Variants in ZC3H6 observed in about 807,000 individuals in gnomAD.
ZC3H6 encodes zinc finger CCCH domain-containing protein 6.
In ZC3H6, 40 loss-of-function variants were observed where a neutral mutation model predicts 107.7. That is an observed-to-expected ratio of 0.37 (90% CI 0.29 to 0.48). ZC3H6 has a LOEUF of 0.48. Ranked by LOEUF, ZC3H6 falls within the 20% of genes least tolerant of loss-of-function variation. The pLI is 0.98. For synonymous variants in ZC3H6, 493 were observed against 487.9 expected, an observed-to-expected ratio of 1.01 and a Z score of -0.14; for missense variants, 1,267 against 1,410.4, an observed-to-expected ratio of 0.90 and a Z score of 1.63.
intron 1 of ZC3H6, among the ~76,000 whole-genome samples, chr2:112,299,108 T>C (rs1676306178): frequency 6.6e-6 from 1 of 151,974 alleles, no homozygotes; most frequent in African/African-American, 2.4e-5. Flanking sequence ...AAACCCCGTC[T>C]CTACTAAAAA....
intron 1 of ZC3H6, among the ~76,000 whole-genome samples, chr2:112,288,484 G>T (rs1464637416): frequency 2.0e-5 from 3 of 152,218 alleles, no homozygotes; most frequent in African/African-American, 7.2e-5. Context: ...CTCTGCAGTG[G>T]TAAGGGTGAT....
At position 112,335,238 on chromosome 2, in the gene ZC3H6, A is replaced by G. The variant is rs1458407234; in HGVS notation, c.*2750A>G. The G allele has an allele frequency of 6.6e-6, 1 of 152,218 alleles. No individual in the cohort carries two copies. Among genetic ancestry groups the G allele is most frequent in the Non-Finnish European group, 1.5e-5 (1 of 68,040 alleles). 9.4% of individuals were successfully genotyped at this position (152,218 alleles called of 1,614,324 possible). A position where few individuals can be genotyped will look rare whatever the true frequency, so the allele number is the denominator to read the frequency against. ...TATGGACCCTCTATTTCCCAGCTGAATGTTTCAAACCCCCAAATTAGGCTG... is the reference window on the plus strand; with the variant it reads ...TATGGACCCTCTATTTCCCAGCTGAGTGTTTCAAACCCCCAAATTAGGCTG... On this transcript the variant is annotated 3_prime_UTR_variant, in exon 12 of 12. Coordinates refer to ENST00000409871, the MANE Select transcript of ZC3H6 (RefSeq NM_198581.3).
In ZC3H6 at chr2:112,309,914, A is replaced by G. The variant is rs1249255553; in HGVS notation, c.366A>G (p.Thr122=). The change falls in exon 4 of 12, where the codon ACA becomes ACG. Residue 122 remains threonine, a synonymous_variant. Transcript: ENST00000409871. ...QRGHISGSYI[T]SKKGQHNKKF... ...GACATATATCAGGAAGCTACATAAC[A>G]TCAAAGAAGGGTCAACATAACAAAA... The G allele has an allele frequency of 3.1e-6, 5 of 1,589,626 alleles. No homozygotes were observed. Among genetic ancestry groups the G allele is most frequent in the Non-Finnish European group, 3.4e-6 (4 of 1,167,116 alleles).
chr2:112,293,472 A>G (rs1373757337), intron 1 of ZC3H6, among the ~76,000 whole-genome samples: 1 of 152,260 alleles, frequency 6.6e-6, no homozygotes, highest in African/African-American at 2.4e-5. Context: ...TTTACCACTG[A>G]TAATTTTTCA....
chr2:112,295,830 A>T (rs1304032329), intron 1 of ZC3H6, among the ~76,000 whole-genome samples: 1 of 152,172 alleles, frequency 6.6e-6, no homozygotes, highest in Non-Finnish European at 1.5e-5. Context: ...TTCACACTTA[A>T]ATAATGTATG....
intron 1 of ZC3H6, among the ~76,000 whole-genome samples, chr2:112,292,166 A>G (rs1676133596): frequency 6.6e-6 from 1 of 152,202 alleles, no homozygotes; most frequent in Admixed American, 6.5e-5. Context: ...GCTCAGGGAC[A>G]TAGGGTCAAC....
At chr2:112,303,589 T>C (rs1676423851) in intron 3 of ZC3H6, among the ~76,000 whole-genome samples, 1 of 152,186 alleles carries the variant, frequency 6.6e-6, no homozygotes, top group Non-Finnish European at 1.5e-5. Flanking sequence ...TATTTTCTGT[T>C]TCTATGGATT....
rs74816502 is a variant in ZC3H6, at chr2:112,311,188, G to A, written c.614-616G>A. Among the ~76,000 whole-genome samples, 286 of 152,332 alleles carry A rather than the reference G, an allele frequency of 1.9e-3. 2 individuals are homozygous for A. Among genetic ancestry groups the A allele is most frequent in the Non-Finnish European group, 3.1e-3 (213 of 68,032 alleles). The stretch of plus-strand genomic sequence containing the variant: ...TTACACCTTAAGTCCCAGCTACTCA[G>A]GAAGCTGAGGAGGGAGGATTGCTTG... On this transcript the variant is annotated intron_variant, in intron 4 of 11. Coordinates refer to ENST00000409871, the MANE Select transcript of ZC3H6 (RefSeq NM_198581.3).
chr2:112,312,867 A>T (rs1042459795), intron 5 of ZC3H6, among the ~76,000 whole-genome samples: 1 of 151,230 alleles, frequency 6.6e-6, no homozygotes, highest in Admixed American at 6.6e-5. Flanking sequence ...CTCAAAATAA[A>T]AAAAAAAAAA....
Position 112,324,606 on chromosome 2 carries a change from G to C in ZC3H6, c.1795G>C (p.Asp599His). Residue 599 changes from aspartate to histidine, a missense_variant, in exon 10 of 12, where the codon GAT becomes CAT. This residue lies in a region of ZC3H6 where 925 missense variants were observed against 1,025.7 expected (regional missense o/e 0.90). Transcript: ENST00000409871. The stretch of plus-strand genomic sequence containing the variant: ...CCTGCAAAACCCAGCTGAGTTTTAC[G>C]ATAATTACTATGCACAGCATTCTAT... ...ESLQNPAEFY[D>H]NYYAQHSIHN... 1 of 1,611,288 alleles carries C rather than the reference G, an allele frequency of 6.2e-7. No homozygotes were observed. Among genetic ancestry groups the C allele is most frequent in the Non-Finnish European group, 8.5e-7 (1 of 1,178,474 alleles).
chr2:112,276,631 A>G (rs1686432068), intron 1 of ZC3H6, among the ~76,000 whole-genome samples: 1 of 152,202 alleles, frequency 6.6e-6, no homozygotes. Flanking sequence ...ACCCTAACGT[A>G]AAAACTCCAT....
At chr2:112,322,213 CTCTTT>C (rs1398772612) in intron 8 of ZC3H6, among the ~76,000 whole-genome samples, 61 of 149,512 alleles carry the variant, frequency 4.1e-4, no homozygotes, top group Admixed American at 1.0e-3. Context: ...CTCTCTCTGT[CTCTTT>C]TCTTTTCTTT....
rs576541517 is a variant in ZC3H6, at chr2:112,335,758, C to T, written c.*3270C>T. ...CAGATGACATGCACTGGTGACACAA[C>T]AGTAGAATTTCCTGAGAGGTTGAGT... On this transcript the variant is annotated 3_prime_UTR_variant, in exon 12 of 12. Coordinates refer to ENST00000409871, the MANE Select transcript of ZC3H6 (RefSeq NM_198581.3). 1 of 152,174 alleles carries T rather than the reference C, an allele frequency of 6.6e-6. No homozygotes were observed. The highest frequency in any genetic ancestry group is 1.5e-5 in the Non-Finnish European group (1 of 68,010). The allele number at this position is 152,174 out of a possible 1,614,324, so 9.4% of individuals were successfully genotyped here.
rs5833443 is a variant in ZC3H6 at position 112,312,864 on chromosome 2, TA to T, written c.747+942del. ...GACAGAGCGAGACTCCATCTCAAAATAAAAAAAAAAAAAAAGCTGCAACTTT... is the reference window on the plus strand; with the variant it reads ...GACAGAGCGAGACTCCATCTCAAAATAAAAAAAAAAAAAAGCTGCAACTTT... On this transcript the variant is annotated intron_variant, in intron 5 of 11. Transcript: ENST00000409871. Among the ~76,000 whole-genome samples the T allele has an allele frequency of 9.8e-3, 1,284 of 131,456 alleles. 9 individuals carry two copies. The highest frequency in any genetic ancestry group is 0.017 in the Admixed American group (234 of 13,460). The allele number at this position is 131,456 out of a possible 152,430, so 86.2% of individuals were successfully genotyped here.
chr2:112,321,339 T>A (rs1189856379), intron 7 of ZC3H6, among the ~76,000 whole-genome samples: 1 of 150,166 alleles, frequency 6.7e-6, no homozygotes, highest in Non-Finnish European at 1.5e-5. Flanking sequence ...AATTAAAATA[T>A]AATAGTGTTT....
intron 11 of ZC3H6, among the ~76,000 whole-genome samples, chr2:112,330,481 A>G (rs147542884): frequency 6.6e-5 from 10 of 152,334 alleles, no homozygotes; most frequent in African/African-American, 2.2e-4. Context: ...TTCCATTGCT[A>G]CCTTAACCAT....
chr2:112,286,704 G>T (rs1317091129), intron 1 of ZC3H6, among the ~76,000 whole-genome samples: 1 of 152,198 alleles, frequency 6.6e-6, no homozygotes, highest in Non-Finnish European at 1.5e-5. Context: ...CTTCCAAAGT[G>T]CTGGGCTCAT....
In ZC3H6 at chr2:112,331,824, T is replaced by A; in HGVS notation, c.2906T>A (p.Phe969Tyr). Residue 969 changes from phenylalanine (F) to tyrosine (Y), a missense_variant, in exon 12 of 12, where the codon TTT becomes TAT. Phe to Tyr is a conservative substitution (Grantham distance 22). Transcript: ENST00000409871. ...KLGDPRLQKN[F>Y]DPRLHRLPNT... ...GGAGATCCTAGACTACAAAAAAATT[T>A]TGATCCTAGGCTTCACAGACTGCCC... 1 of 1,613,750 alleles carries A rather than the reference T, an allele frequency of 6.2e-7. No individual in the cohort carries two copies. The highest frequency in any genetic ancestry group is 8.5e-7 in the Non-Finnish European group (1 of 1,179,856).
In ZC3H6 at chr2:112,334,994, A is replaced by C. The variant is rs1041517816; in HGVS notation, c.*2506A>C. The stretch of plus-strand genomic sequence containing the variant: ...TCATCCAATGAGATGTAACTTAGCT[A>C]TTCATACTGTTTGTGATGGAAATTC... On this transcript the variant is annotated 3_prime_UTR_variant, in exon 12 of 12. Transcript: ENST00000409871. 1 of 152,582 alleles carries C rather than the reference A, an allele frequency of 6.6e-6. No homozygotes were observed. The highest frequency in any genetic ancestry group is 1.5e-5 in the Non-Finnish European group (1 of 68,028). The allele number at this position is 152,582 out of a possible 1,614,324, so 9.5% of individuals were successfully genotyped here.
Sources: gnomAD v4.1 joint callset for allele counts (sites outside exome capture counted in the v4.1 genomes callset) on GRCh38, gnomAD v4.1.1 for gene constraint, gnomAD v4.1.1 regional missense constraint, MANE v1.5 for transcripts, NCBI Gene and HGNC (gene_info 2026-07-23, HGNC 2026-07-21) for gene names.